LAS1L: variants seen among roughly 807,000 people sequenced by gnomAD.
The protein encoded by LAS1L is ribosomal biogenesis protein LAS1L.
In LAS1L, 5 loss-of-function variants were observed where a neutral mutation model predicts 57.3. That is an observed-to-expected ratio of 0.09 (90% confidence interval 0.05 to 0.18). LAS1L has a LOEUF of 0.18. Among genes scored for constraint, LAS1L ranks in the 10% least tolerant of loss-of-function variants. The pLI is 1.00. For synonymous variants in LAS1L, 245 were observed against 231.7 expected, an observed-to-expected ratio of 1.06 and a Z score of -0.52; for missense variants, 360 against 568.3, an observed-to-expected ratio of 0.63 and a Z score of 3.73.
chrX:65,521,408 G>T, intron 11 of LAS1L: 2 of 315,248 alleles, frequency 6.3e-6, no homozygotes, highest in Non-Finnish European at 8.4e-6. Context: ...CCTTGCCCTT[G>T]AAAAGCTTAG....
rs766171427 is a variant in LAS1L at position 65,518,155 on chromosome X, C to T, written c.1759G>A (p.Asp587Asn). 2 of 1,200,234 alleles carry T rather than the reference C, an allele frequency of 1.7e-6. No individual in the cohort carries two copies. Among genetic ancestry groups the T allele is most frequent in the Non-Finnish European group, 2.3e-6 (2 of 884,883 alleles). ...TCATCCTCCTCTTCCTCCTCTTGGT[C>T]ATCATTTTCTTCCTCCTCCTCTACC... is the stretch of plus-strand genomic sequence containing the variant. ...DQVEEEEEND[D>N]QEEEEEDEDD... is the part of the protein sequence containing the mutation. The change falls in exon 12 of 14, where the codon GAC becomes AAC. Residue 587 changes from aspartate to asparagine, a missense_variant. Around this residue, in one of 7 missense-constraint regions of LAS1L, gnomAD observed 123 missense variants for 168.3 expected, o/e 0.73. Coordinates refer to ENST00000374811, the MANE Select transcript of LAS1L (RefSeq NM_031206.7).
chrX:65,520,358 C>T (rs2068803972), intron 11 of LAS1L: 5 of 560,109 alleles, frequency 8.9e-6, no homozygotes, highest in African/African-American at 2.5e-5. Flanking sequence ...AATACTTCCA[C>T]CTCCCAAGAC....
chrX:65,523,935 A>C (rs2068989089), intron 10 of LAS1L, 121 bp downstream of exon 10: 5 of 797,264 alleles, frequency 6.3e-6, no homozygotes, highest in Non-Finnish European at 9.1e-6. Context: ...CTCTTGGGCA[A>C]ACCTAAACCT....
In LAS1L at chrX:65,524,584, C is replaced by T. The variant is rs1351045440; in HGVS notation, c.1073G>A (p.Gly358Asp). The T allele has an allele frequency of 5.7e-6, 3 of 527,265 alleles. No homozygotes were observed. The highest frequency in any genetic ancestry group is 1.0e-5 in the Non-Finnish European group (3 of 287,106). The allele number at this position is 527,265 out of a possible 1,213,427, so 43.5% of individuals were successfully genotyped here. Residue 358 changes from glycine (G) to aspartate (D), a missense_variant, in exon 9 of 14, where the codon GGT (glycine) becomes GAT (aspartate). By Grantham distance (94) the Gly-to-Asp change is moderately conservative (BLOSUM62 -1). Around this residue, in one of 7 missense-constraint regions of LAS1L, gnomAD observed 81 missense variants for 192.1 expected, o/e 0.42. Transcript: ENST00000374811. ...CTCACTGTGTGACTTTGGGTCAGTA[C>T]CTTCCCCTCTCTGGACCTCAGTCTG... ...DGQTEVQRGE[G>D]TDPKSHKNVD...
intron 4 of LAS1L, among the ~76,000 whole-genome samples, chrX:65,530,454 G>A (rs1009992170): frequency 8.1e-5 from 9 of 110,818 alleles, no homozygotes; most frequent in Non-Finnish European, 1.3e-4. Context: ...CAAGGTGAGC[G>A]GGTCACTTGA....
intron 13 of LAS1L, 132 bp downstream of exon 13, chrX:65,514,691 G>A (rs1284233583): frequency 1.7e-6 from 1 of 598,550 alleles, no homozygotes; most frequent in African/African-American, 2.4e-5. Context: ...GCCAGGGACT[G>A]GGGCTTACAC....
intron 12 of LAS1L, among the ~76,000 whole-genome samples, 159 bp downstream of exon 12, chrX:65,517,828 G>A (rs2068706158): frequency 8.9e-6 from 1 of 112,596 alleles, no homozygotes; most frequent in South Asian, 3.6e-4. Context: ...ATCCTAAGAG[G>A]TGGGAGAAGC....
chrX:65,512,772 C>A lies in LAS1L; in HGVS notation c.*3G>T, dbSNP rs374288754. On this transcript the variant is annotated 3_prime_UTR_variant, in exon 14 of 14. Transcript: ENST00000374811. Reference sequence around the variant, plus strand: ...GGATGAACACTTGCACCAGGGATGGCCATCAGAAGAGCTGCAGGCCAGTTT... The same window carrying A: ...GGATGAACACTTGCACCAGGGATGGACATCAGAAGAGCTGCAGGCCAGTTT... 40 of 1,164,781 alleles carry A rather than the reference C, an allele frequency of 3.4e-5. No homozygotes were observed. Among genetic ancestry groups the A allele is most frequent in the Non-Finnish European group, 6.9e-6 (6 of 871,595 alleles).
At chrX:65,524,705 A>C in intron 8 of LAS1L, 91 bp from the exon 9 acceptor site, 1 of 500,877 alleles carries the variant, frequency 2.0e-6, no homozygotes, top group Non-Finnish European at 3.6e-6. Context: ...AATCACAACG[A>C]ACATGGCACA....
chrX:65,524,911 G>T, intron 8 of LAS1L, 54 bp downstream of exon 8: 1 of 1,068,110 alleles, frequency 9.4e-7, no homozygotes, highest in African/African-American at 1.8e-5. Flanking sequence ...CACCCCAGCT[G>T]TTTCCACCCA....
At chrX:65,530,771 G>A (rs185067057) in intron 4 of LAS1L, among the ~76,000 whole-genome samples, 1 of 103,539 alleles carries the variant, frequency 9.7e-6, no homozygotes, top group East Asian at 3.0e-4. Flanking sequence ...CTGAGATTGC[G>A]CCACTGCACT....
At chrX:65,529,158 G>A (rs2069335189) in intron 6 of LAS1L, 54 bp downstream of exon 6, 1 of 1,011,754 alleles carries the variant, frequency 9.9e-7, no homozygotes, top group African/African-American at 1.9e-5. Flanking sequence ...CTGGCAAGAG[G>A]GAAGAAATGG....
intron 10 of LAS1L, 112 bp downstream of exon 10, chrX:65,523,944 C>A: frequency 1.2e-6 from 1 of 832,239 alleles, no homozygotes; most frequent in South Asian, 2.3e-5. Flanking sequence ...AAACCTAAAC[C>A]TTTAACACGG....
At chrX:65,524,662 A>G in intron 8 of LAS1L, 48 bp from the exon 9 acceptor site, 1 of 520,753 alleles carries the variant, frequency 1.9e-6, no homozygotes, top group Non-Finnish European at 3.5e-6. Context: ...GGCCCCTCCA[A>G]TTCTGCTGTT....
At chrX:65,525,765 A>AAAAAAAAAAAAAAAAAAAAAAG (rs1556309415) in intron 7 of LAS1L, among the ~76,000 whole-genome samples, 3 of 107,511 alleles carry the variant, frequency 2.8e-5, no homozygotes, top group African/African-American at 1.1e-4. Flanking sequence ...AAAAAAAAAA[A>AAAAAAAAAAAAAAAAAAAAAAG]AAAGAAAGAA....
chrX:65,524,835 G>C (rs1216538232), intron 8 of LAS1L, 130 bp downstream of exon 8: 1 of 496,693 alleles, frequency 2.0e-6, no homozygotes, highest in Non-Finnish European at 3.4e-6. Flanking sequence ...GGAAGGCTGA[G>C]GGACTTTCAG....
At chrX:65,532,760 G>T (rs996828451) in intron 2 of LAS1L, 130 bp from the exon 3 acceptor site, 6 of 493,132 alleles carry the variant, frequency 1.2e-5, no homozygotes, top group Non-Finnish European at 2.2e-5. Flanking sequence ...CAGCTGGTGT[G>T]TCAGCCAGAG....
intron 12 of LAS1L, among the ~76,000 whole-genome samples, chrX:65,517,506 C>T (rs2068691192): frequency 9.0e-6 from 1 of 111,085 alleles, no homozygotes; most frequent in African/African-American, 3.3e-5. Context: ...CCGCCTCGGC[C>T]TCCCAAAGTG....
intron 13 of LAS1L, 81 bp downstream of exon 13, chrX:65,514,742 C>G: frequency 1.1e-5 from 11 of 986,274 alleles, no homozygotes; most frequent in Admixed American, 3.3e-5. Context: ...CTACCTCCCC[C>G]ACCCACCTCA....
Sources: gnomAD v4.1 joint callset for allele counts (sites outside exome capture counted in the v4.1 genomes callset) on GRCh38, gnomAD v4.1.1 for gene constraint, gnomAD v4.1.1 regional missense constraint, MANE v1.5 for transcripts, NCBI Gene and HGNC (gene_info 2026-07-23, HGNC 2026-07-21) for gene names.